TNS1: variants seen among roughly 807,000 people sequenced by gnomAD.
TNS1 encodes tensin-1.
A neutral mutation model predicts 168.6 loss-of-function variants in TNS1; 62 were observed. The ratio of observed to expected loss-of-function variants is 0.37; its 90% CI spans 0.30 to 0.45. The LOEUF (loss-of-function observed/expected upper bound fraction) is 0.45, where lower values mean the gene tolerates loss of function less well. TNS1 is among the 20% of genes least tolerant of loss of function. TNS1 has a pLI of 1.00. For missense variants in TNS1, 2,240 were observed against 2,339.4 expected, an observed-to-expected ratio of 0.96 and a Z score of 0.88; for synonymous variants, 934 against 933.2, an observed-to-expected ratio of 1.00 and a Z score of -0.02.
At chr2:218,031,009 GGAGTGTAT>G (rs1028804864) in intron 1 of TNS1, among the ~76,000 whole-genome samples, 4 of 147,100 alleles carry the variant, frequency 2.7e-5, no homozygotes, top group African/African-American at 1.0e-4. Flanking sequence ...TGTGAGTGTG[GGAGTGTAT>G]GTGTGTATGT....
chr2:217,859,368 C>A (rs953696105), intron 18 of TNS1: 2 of 425,278 alleles, frequency 4.7e-6, no homozygotes, highest in Non-Finnish European at 8.3e-6. Flanking sequence ...CTCTCTCCCC[C>A]TTTCCCCTCC....
Position 217,809,892 on chromosome 2 carries a change from G to A in TNS1, c.5204C>T (p.Thr1735Met), listed in dbSNP as rs758979599. ...GAAGTGAACGATGGTGGCAGCTGGC[G>A]TGGGGTCTGCAGCCAACGTCTCAGA... ...ATSETLAADP[T>M]PAATIVHFKV... Residue 1735 changes from threonine (T) to methionine (M), a missense_variant, in exon 30 of 33, where the codon ACG (threonine) becomes ATG (methionine). Physicochemically the swap from Thr to Met is moderately conservative, Grantham distance 81. This residue lies in a region of TNS1 where 109 missense variants were observed against 168.1 expected (regional missense o/e 0.65). Coordinates refer to ENST00000682258, the MANE Select transcript of TNS1 (RefSeq NM_001387777.1). 5.6e-5 allele frequency: 90 copies of A among 1,613,634 alleles called. No individual in the cohort carries two copies. The highest frequency in any genetic ancestry group is 3.3e-4 in the Middle Eastern group (2 of 6,084).
chr2:217,974,564 T>C (rs911221128), intron 3 of TNS1, among the ~76,000 whole-genome samples: 3 of 152,204 alleles, frequency 2.0e-5, no homozygotes, highest in Non-Finnish European at 4.4e-5. Context: ...ACATTGACTA[T>C]GAGCCGGCAC....
At chr2:217,939,517 G>A (rs565735926) in intron 3 of TNS1, among the ~76,000 whole-genome samples, 2 of 152,368 alleles carry the variant, frequency 1.3e-5, no homozygotes, top group African/African-American at 4.8e-5. Flanking sequence ...ATCACAGAAC[G>A]CTGTGGGGTC....
rs1247153426 is a variant in TNS1 at position 217,880,024 on chromosome 2, G to C, written c.1429+874C>G. Among the ~76,000 whole-genome samples, 1 of 152,180 alleles carries C rather than the reference G, an allele frequency of 6.6e-6. No homozygotes were observed. Among genetic ancestry groups the C allele is most frequent in the Non-Finnish European group, 1.5e-5 (1 of 68,026 alleles). ...CCCAACTGAACACAGATGGGTGATG[G>C]GCTGGACCATCCTGAAGGTCCTCCC... On this transcript the variant is annotated intron_variant, in intron 18 of 32. Transcript: ENST00000682258. The surrounding 1 kb of genome is among the most constrained non-coding windows in gnomAD (Gnocchi z 4.2).
intron 24 of TNS1, among the ~76,000 whole-genome samples, chr2:217,817,265 A>G (rs1334061124): frequency 6.6e-6 from 1 of 152,164 alleles, no homozygotes; most frequent in East Asian, 1.9e-4. Context: ...ATACTAGACA[A>G]GTGACAGAGC....
intron 18 of TNS1, among the ~76,000 whole-genome samples, chr2:217,875,062 G>A (rs902219672): frequency 2.0e-5 from 3 of 152,150 alleles, no homozygotes; most frequent in Non-Finnish European, 2.9e-5. Flanking sequence ...AAACATGAGC[G>A]GAAGGAAAAC....
At chr2:217,866,156 C>T (rs1482839301) in intron 18 of TNS1, among the ~76,000 whole-genome samples, 5 of 152,210 alleles carry the variant, frequency 3.3e-5, no homozygotes, top group African/African-American at 1.2e-4. Flanking sequence ...TAACCAGCCA[C>T]GGTGTAACAA....
chr2:217,970,443 T>C (rs1957749198), intron 3 of TNS1, among the ~76,000 whole-genome samples: 2 of 152,288 alleles, frequency 1.3e-5, no homozygotes, highest in East Asian at 3.9e-4. Flanking sequence ...CAAAAACTTG[T>C]ACATGAATCC....
At chr2:217,937,500 C>G (rs1367004237) in intron 3 of TNS1, among the ~76,000 whole-genome samples, 2 of 152,140 alleles carry the variant, frequency 1.3e-5, no homozygotes, top group Non-Finnish European at 2.9e-5. Context: ...GGCGGCCCCT[C>G]TCACTCAACC....
intron 6 of TNS1, among the ~76,000 whole-genome samples, chr2:217,904,877 G>C (rs1293377975): frequency 6.6e-6 from 1 of 152,176 alleles, no homozygotes; most frequent in South Asian, 2.1e-4. Context: ...AGAAGGCTTG[G>C]TTCACACACC....
chr2:217,894,669 A>G (rs1952087663), intron 9 of TNS1, among the ~76,000 whole-genome samples: 1 of 152,066 alleles, frequency 6.6e-6, no homozygotes, highest in African/African-American at 2.4e-5. Context: ...AAAAACAAAC[A>G]AACAAACAAA....
At chr2:217,996,097 G>A (rs1039569844) in intron 1 of TNS1, among the ~76,000 whole-genome samples, 1 of 152,206 alleles carries the variant, frequency 6.6e-6, no homozygotes, top group Non-Finnish European at 1.5e-5. Flanking sequence ...CAGCAGTGAG[G>A]GTTGGGTGGT....
At chr2:217,993,429 C>G (rs1010683065) in intron 1 of TNS1, among the ~76,000 whole-genome samples, 2 of 152,208 alleles carry the variant, frequency 1.3e-5, no homozygotes, top group African/African-American at 4.8e-5. Context: ...GATGATGAAG[C>G]CAAGCTGGGA....
At chr2:217,987,166 G>C in intron 2 of TNS1, 1 of 152,140 alleles carries the variant, frequency 6.6e-6, no homozygotes, top group East Asian at 1.9e-4. Flanking sequence ...CCCTGCACCT[G>C]TTCTCCTGCC....
At position 217,939,133 on chromosome 2, in the gene TNS1, G is replaced by A. The variant is rs374154213; in HGVS notation, c.187-18897C>T. Among the ~76,000 whole-genome samples, 15 of 152,224 alleles carry A rather than the reference G, an allele frequency of 9.9e-5. 1 individual carries two copies. The East Asian group carries it at 1.4e-3, about 14-fold the overall frequency. On this transcript the variant is annotated intron_variant, in intron 3 of 32. Coordinates refer to ENST00000682258, the MANE Select transcript of TNS1 (RefSeq NM_001387777.1). ...CAAAGTGTTTTAAATAAATTAACTC[G>A]TTTGATCCTCACAACCATACCTTGA...
intron 19 of TNS1, among the ~76,000 whole-genome samples, chr2:217,842,565 A>G (rs956635885): frequency 1.3e-5 from 2 of 152,126 alleles, no homozygotes; most frequent in African/African-American, 4.8e-5. Flanking sequence ...GCCCAGATCA[A>G]TAGCAGCAGC....
intron 3 of TNS1, among the ~76,000 whole-genome samples, chr2:217,961,942 G>A (rs1211966051): frequency 3.3e-5 from 5 of 152,172 alleles, no homozygotes; most frequent in African/African-American, 1.2e-4. Flanking sequence ...TCAATTGAAG[G>A]CCATAAGAGC....
Position 217,818,324 on chromosome 2 carries a change from G to A in TNS1, c.4008C>T (p.Ser1336=). The change falls in exon 24 of 33, where the codon AGC becomes AGT. Residue 1336 remains serine (S), a synonymous_variant. Coordinates refer to ENST00000682258, the MANE Select transcript of TNS1 (RefSeq NM_001387777.1). ...GTGFHGSTVS[S]PQSSAATTPG... ...GGGTGGTCGCTGCACTGCTCTGGGG[G>A]CTGGAGACAGTGCTACCATGGAAGC... 6.2e-7 allele frequency: 1 copy of A among 1,614,094 alleles called. No homozygotes were observed. The highest frequency in any genetic ancestry group is 8.5e-7 in the Non-Finnish European group (1 of 1,180,002).
Sources: gnomAD v4.1 joint callset for allele counts (sites outside exome capture counted in the v4.1 genomes callset) on GRCh38, gnomAD v4.1.1 for gene constraint, gnomAD v4.1.1 regional missense constraint, Gnocchi (gnomAD v3.1) non-coding constraint, MANE v1.5 for transcripts, NCBI Gene and HGNC (gene_info 2026-07-23, HGNC 2026-07-21) for gene names.